EBF1: variants seen among roughly 807,000 people sequenced by gnomAD.
EBF1 encodes transcription factor COE1.
A neutral mutation model predicts 68.4 loss-of-function variants in EBF1; 10 were observed. That is an observed-to-expected ratio of 0.15 (90% CI 0.09 to 0.25). The LOEUF (loss-of-function observed/expected upper bound fraction) is 0.25, where lower values mean the gene tolerates loss of function less well. Ranked by LOEUF, EBF1 falls within the 10% of genes least tolerant of loss-of-function variation. EBF1 has a pLI of 1.00. For missense variants in EBF1, 509 were observed against 794.4 expected (o/e 0.64, Z 4.32); for synonymous variants, 298 against 299.8 (o/e 0.99, Z 0.06).
intron 10 of EBF1, among the ~76,000 whole-genome samples, chr5:158,744,272 G>A (rs900661942): frequency 1.3e-5 from 2 of 151,846 alleles, no homozygotes; most frequent in Admixed American, 6.6e-5. Flanking sequence ...AGACACTACG[G>A]GGAACACAAG....
chr5:158,733,462 G>A (rs1190791468), intron 10 of EBF1, among the ~76,000 whole-genome samples: 3 of 152,006 alleles, frequency 2.0e-5, no homozygotes, highest in East Asian at 1.9e-4. Flanking sequence ...ATGTTTCTCC[G>A]GCTATATGGC....
chr5:158,965,245 A>G (rs1352114483), intron 6 of EBF1, among the ~76,000 whole-genome samples: 2 of 152,176 alleles, frequency 1.3e-5, no homozygotes, highest in East Asian at 1.9e-4. Context: ...CACAGGATCC[A>G]TGTGGCATAA....
intron 9 of EBF1, among the ~76,000 whole-genome samples, chr5:158,784,084 G>A (rs1283211281): frequency 1.3e-5 from 2 of 152,120 alleles, no homozygotes; most frequent in Non-Finnish European, 1.5e-5. Flanking sequence ...CCTTGATAAC[G>A]ACTTCAACTA....
intron 6 of EBF1, among the ~76,000 whole-genome samples, chr5:158,893,476 A>C (rs898803959): frequency 6.6e-6 from 1 of 152,240 alleles, no homozygotes; most frequent in Non-Finnish European, 1.5e-5. Context: ...CCAGGTTAGA[A>C]AAAGGGGCAA....
intron 9 of EBF1, among the ~76,000 whole-genome samples, 192 bp from the exon 10 acceptor site, chr5:158,777,731 A>C (rs1456287849): frequency 6.6e-6 from 1 of 152,296 alleles, no homozygotes; most frequent in African/African-American, 2.4e-5. Context: ...AGCCATAACA[A>C]TATTATCTGG....
Position 158,714,128 on chromosome 5 carries a change from G to A in EBF1, c.1180C>T (p.His394Tyr). The A allele has an allele frequency of 2.5e-6, 4 of 1,614,208 alleles. No individual in the cohort carries two copies. The highest frequency in any genetic ancestry group is 3.4e-6 in the Non-Finnish European group (4 of 1,180,026). The change falls in exon 12 of 16, where the codon CAC becomes TAC. Residue 394 changes from histidine to tyrosine, a missense_variant. This residue lies in a region of EBF1 where 230 missense variants were observed against 467.7 expected (regional missense o/e 0.49). Coordinates refer to ENST00000313708, the MANE Select transcript of EBF1 (RefSeq NM_024007.5). Reference sequence around the variant, plus strand: ...CCCACAGCGCTCACCTGGTTGTTGTGTGGCATCCCATACAGTGCTTCTACC... The same window carrying A: ...CCCACAGCGCTCACCTGGTTGTTGTATGGCATCCCATACAGTGCTTCTACC... ...DLVEALYGMP[H>Y]NNQEIILKRA...
intron 6 of EBF1, among the ~76,000 whole-genome samples, chr5:159,030,258 T>C (rs138601270): frequency 2.0e-4 from 31 of 152,242 alleles, no homozygotes; most frequent in Admixed American, 1.5e-3. Flanking sequence ...CTTTCCTTTT[T>C]TATGTCTTTT....
intron 6 of EBF1, among the ~76,000 whole-genome samples, chr5:158,938,981 A>C (rs138957836): frequency 6.6e-6 from 1 of 152,196 alleles, no homozygotes; most frequent in Non-Finnish European, 1.5e-5. Flanking sequence ...ATCACTGAAC[A>C]TAACGTGTGC....
At chr5:158,784,641 T>C (rs1227727145) in intron 9 of EBF1, among the ~76,000 whole-genome samples, 1 of 152,218 alleles carries the variant, frequency 6.6e-6, no homozygotes, top group East Asian at 1.9e-4. Flanking sequence ...CGATTTCTCA[T>C]TACTAGGTTT....
chr5:158,883,390 A>G (rs1473604679), intron 6 of EBF1, among the ~76,000 whole-genome samples: 1 of 151,514 alleles, frequency 6.6e-6, no homozygotes, highest in Non-Finnish European at 1.5e-5. Flanking sequence ...ATATATACAT[A>G]CATACATGTG....
chr5:158,792,803 C>A (rs78703938), intron 9 of EBF1, among the ~76,000 whole-genome samples: 1 of 152,134 alleles, frequency 6.6e-6, no homozygotes, highest in Non-Finnish European at 1.5e-5. Flanking sequence ...AAGATAAATT[C>A]TACCTAGAAT....
At chr5:158,885,234 A>G (rs1350416073) in intron 6 of EBF1, among the ~76,000 whole-genome samples, 1 of 152,228 alleles carries the variant, frequency 6.6e-6, no homozygotes, top group Non-Finnish European at 1.5e-5. Context: ...AGTTTCAGCC[A>G]GAAGATGATG....
intron 5 of EBF1, among the ~76,000 whole-genome samples, chr5:159,076,122 C>T (rs1330504452): frequency 6.6e-6 from 1 of 151,966 alleles, no homozygotes; most frequent in Admixed American, 6.6e-5. Context: ...GTCTTTCTCC[C>T]TCTTCTTATT....
chr5:158,920,746 A>AT (rs61449540), intron 6 of EBF1, among the ~76,000 whole-genome samples: 319 of 151,226 alleles, frequency 2.1e-3, no homozygotes, highest in East Asian at 9.5e-3. Context: ...ACTTGGCTCC[A>AT]TTTTTTTTTA....
chr5:158,696,929 T>TTTC lies in EBF1; in HGVS notation c.*2179_*2181dup, dbSNP rs1168540406. 7 of 196,668 alleles carry TTTC rather than the reference T, an allele frequency of 3.6e-5. No homozygotes were observed. The highest frequency in any genetic ancestry group is 1.4e-4 in the African/African-American group (6 of 43,220). 12.2% of individuals were successfully genotyped at this position (196,668 alleles called of 1,614,324 possible). A position where few individuals can be genotyped will look rare whatever the true frequency, so the allele number is the denominator to read the frequency against. ...TTTTTTTCTTTTTTTCTTTTTCTTT[T>TTTC]TTCTTAGAATGTTAGTGATGACTGA... On this transcript the variant is annotated 3_prime_UTR_variant, in exon 16 of 16. Transcript: ENST00000313708.
At chr5:158,897,836 T>C (rs763301459) in intron 6 of EBF1, among the ~76,000 whole-genome samples, 1 of 152,210 alleles carries the variant, frequency 6.6e-6, no homozygotes, top group Non-Finnish European at 1.5e-5. Context: ...TGGAGAATTA[T>C]GTCTTGTCTC....
At chr5:159,078,294 C>T (rs186635715) in intron 5 of EBF1, among the ~76,000 whole-genome samples, 13 of 152,200 alleles carry the variant, frequency 8.5e-5, no homozygotes, top group African/African-American at 2.6e-4. Flanking sequence ...GCACCAACCT[C>T]CACTATACAC....
chr5:158,916,964 G>T (rs1285743251), intron 6 of EBF1, among the ~76,000 whole-genome samples: 1 of 152,050 alleles, frequency 6.6e-6, no homozygotes, highest in Non-Finnish European at 1.5e-5. Context: ...CTCCCACAAC[G>T]TGTCTCTTGA....
intron 6 of EBF1, among the ~76,000 whole-genome samples, chr5:159,044,757 A>T (rs1445160493): frequency 6.6e-6 from 1 of 152,262 alleles, no homozygotes; most frequent in Admixed American, 6.5e-5. Flanking sequence ...TTAACTAAGT[A>T]GTGTAATATA....
Sources: allele counts gnomAD v4.1 joint callset (sites outside exome capture counted in the v4.1 genomes callset), GRCh38; gene constraint gnomAD v4.1.1; regional missense constraint gnomAD v4.1.1; transcripts MANE v1.5; gene names NCBI Gene and HGNC (gene_info 2026-07-23, HGNC 2026-07-21).